Variants in ARFIP1 observed in about 807,000 individuals in gnomAD.
The protein encoded by ARFIP1 is arfaptin-1.
Under a neutral mutation model 42.5 loss-of-function variants are expected in ARFIP1, and 24 were observed. The observed-to-expected ratio is 0.57, with a 90% confidence interval of 0.41 to 0.80. The LOEUF is 0.80. Among genes scored for constraint, ARFIP1 ranks in the 30% least tolerant of loss-of-function variants. The pLI is 0.00. For missense variants in ARFIP1, 354 were observed against 434.0 expected (o/e 0.82, Z 1.64); for synonymous variants, 141 against 153.7 (o/e 0.92, Z 0.61).
intron 1 of ARFIP1, among the ~76,000 whole-genome samples, chr4:152,782,064 G>A (rs1730532887): frequency 1.3e-5 from 2 of 152,098 alleles, no homozygotes; most frequent in African/African-American, 4.8e-5. Context: ...GTATGTGTGT[G>A]TGTGTTTTCC....
intron 8 of ARFIP1, among the ~76,000 whole-genome samples, chr4:152,898,530 A>G (rs1249033702): frequency 2.0e-5 from 3 of 152,030 alleles, no homozygotes; most frequent in East Asian, 3.9e-4. Flanking sequence ...GTTTTGTGCA[A>G]TTATGCCTGA....
intron 2 of ARFIP1, among the ~76,000 whole-genome samples, chr4:152,853,327 G>T (rs141907208): frequency 6.6e-6 from 1 of 152,096 alleles, no homozygotes; most frequent in African/African-American, 2.4e-5. Context: ...CAGGTTTAGC[G>T]CTCCGTTGAG....
chr4:152,853,269 T>C (rs1224827586), intron 2 of ARFIP1, among the ~76,000 whole-genome samples: 2 of 152,212 alleles, frequency 1.3e-5, no homozygotes, highest in Non-Finnish European at 2.9e-5. Context: ...CCTGTGAGTT[T>C]TGTATGTTCA....
At chr4:152,795,920 C>T (rs144364573) in intron 1 of ARFIP1, 12 of 148,534 alleles carry the variant, frequency 8.1e-5, no homozygotes, top group African/African-American at 2.4e-4. Context: ...TGTTTTTTTC[C>T]GCCCCATTTT....
chr4:152,859,747 T>C (rs1298485731), intron 2 of ARFIP1, among the ~76,000 whole-genome samples: 3 of 151,768 alleles, frequency 2.0e-5, no homozygotes, highest in Non-Finnish European at 4.4e-5. Context: ...TTCCCACAGT[T>C]TTTGGTCTCT....
chr4:152,832,135 CCCAAGAGTGAAATTG>C (rs376779349), intron 2 of ARFIP1, among the ~76,000 whole-genome samples: 104 of 152,188 alleles, frequency 6.8e-4, no homozygotes, highest in African/African-American at 2.4e-3. Flanking sequence ...TGAGTACATA[CCCAAGAGTGAAATTG>C]CCAGGTCACG....
chr4:152,844,283 C>T (rs1732360805), intron 2 of ARFIP1, among the ~76,000 whole-genome samples: 2 of 152,174 alleles, frequency 1.3e-5, no homozygotes, highest in African/African-American at 4.8e-5. Flanking sequence ...CCTGGGTCCT[C>T]CGGGAGCAGT....
chr4:152,855,891 C>G (rs564508077), intron 2 of ARFIP1, among the ~76,000 whole-genome samples: 4 of 152,220 alleles, frequency 2.6e-5, no homozygotes, highest in Non-Finnish European at 4.4e-5. Flanking sequence ...CCTGGCAGAG[C>G]AGGTTGCCTT....
intron 5 of ARFIP1, among the ~76,000 whole-genome samples, chr4:152,873,989 A>G (rs1387153011): frequency 6.6e-6 from 1 of 152,184 alleles, no homozygotes; most frequent in Admixed American, 6.5e-5. Context: ...ATAAGACTAT[A>G]TCTGCCTCCT....
Position 152,910,176 on chromosome 4 carries a change from AAAC to A in ARFIP1, c.1080_1082del (p.Lys360_Thr361delinsAsn). 1 of 1,614,160 alleles carries A rather than the reference AAAC, an allele frequency of 6.2e-7. No homozygotes were observed. ...CTTAAACAGTTCCATATCAAATTGA[AAAC>A]CCCTGGAGTGGATGCCCCATCTTGG... is the stretch of plus-strand genomic sequence containing the variant. On this transcript the variant is annotated inframe_deletion, in exon 9 of 9. Transcript: ENST00000353617.
intron 5 of ARFIP1, 104 bp from the exon 6 acceptor site, chr4:152,880,859 A>G: frequency 1.2e-6 from 1 of 850,448 alleles, no homozygotes; most frequent in East Asian, 2.5e-5. Context: ...TCAGTTTGTT[A>G]CGCTAGCTTG....
chr4:152,783,640 C>T (rs1039435626), intron 1 of ARFIP1, among the ~76,000 whole-genome samples: 2 of 152,184 alleles, frequency 1.3e-5, no homozygotes, highest in Admixed American at 1.3e-4. Context: ...ACCATGCGTC[C>T]ATTATGTCCT....
chr4:152,820,671 T>C (rs967381785), intron 1 of ARFIP1, among the ~76,000 whole-genome samples: 2 of 152,244 alleles, frequency 1.3e-5, no homozygotes. Flanking sequence ...GAGAACTCAC[T>C]ATCGCAAGAA....
chr4:152,855,740 A>G (rs547480631), intron 2 of ARFIP1, among the ~76,000 whole-genome samples: 1 of 152,228 alleles, frequency 6.6e-6, no homozygotes, highest in South Asian at 2.1e-4. Flanking sequence ...AGCTCCCTGC[A>G]TTTGTTTCAG....
At chr4:152,853,780 C>T (rs995411018) in intron 2 of ARFIP1, among the ~76,000 whole-genome samples, 11 of 151,908 alleles carry the variant, frequency 7.2e-5, no homozygotes, top group African/African-American at 2.2e-4. Context: ...TCTGGGACCC[C>T]GATAATATGA....
intron 8 of ARFIP1, among the ~76,000 whole-genome samples, chr4:152,901,160 AATTTT>A (rs1737801124): frequency 6.6e-6 from 1 of 152,210 alleles, no homozygotes; most frequent in East Asian, 1.9e-4. Context: ...ATATAATCTA[AATTTT>A]ATTTGAAAAA....
At chr4:152,822,851 T>G (rs1028636071) in intron 1 of ARFIP1, among the ~76,000 whole-genome samples, 9 of 152,132 alleles carry the variant, frequency 5.9e-5, no homozygotes, top group African/African-American at 2.2e-4. Flanking sequence ...TTTAAAAAAT[T>G]TTTGCAGTGA....
intron 8 of ARFIP1, among the ~76,000 whole-genome samples, chr4:152,888,707 T>A (rs370964281): frequency 8.5e-4 from 129 of 152,200 alleles, no homozygotes; most frequent in East Asian, 4.8e-3. Context: ...AAGTGAAAAA[T>A]AGCTAAAAGG....
At chr4:152,808,283 A>AAT (rs1729151025) in intron 1 of ARFIP1, among the ~76,000 whole-genome samples, 1 of 20,314 alleles carries the variant, frequency 4.9e-5, no homozygotes, top group Non-Finnish European at 1.0e-4. Context: ...CCTGGCCTCC[A>AAT]TTTTTTTTTT....
Sources: allele counts gnomAD v4.1 joint callset (sites outside exome capture counted in the v4.1 genomes callset), GRCh38; gene constraint gnomAD v4.1.1; transcripts MANE v1.5; gene names NCBI Gene and HGNC (gene_info 2026-07-23, HGNC 2026-07-21).